CNBD1: variants seen among roughly 807,000 people sequenced by gnomAD.
The protein encoded by CNBD1 is cyclic nucleotide-binding domain-containing protein 1.
In CNBD1, 71 loss-of-function variants were observed where a neutral mutation model predicts 54.4. The observed-to-expected ratio is 1.30, with a 90% CI of 1.08 to 1.59. CNBD1 has a LOEUF of 1.59. Among genes scored for constraint, CNBD1 ranks in the 40% most tolerant of loss-of-function variants. The pLI, the probability that CNBD1 is intolerant of heterozygous loss-of-function variation, is 0.00. For synonymous variants in CNBD1, 182 were observed against 170.7 expected, an observed-to-expected ratio of 1.07 and a Z score of -0.51; for missense variants, 659 against 518.0, an observed-to-expected ratio of 1.27 and a Z score of -2.64.
At chr8:87,050,472 A>G (rs1450155770) in intron 4 of CNBD1, among the ~76,000 whole-genome samples, 1 of 152,184 alleles carries the variant, frequency 6.6e-6, no homozygotes, top group Non-Finnish European at 1.5e-5. Flanking sequence ...TAATGTGAGG[A>G]TGAGACAACT....
At chr8:87,006,228 C>T (rs1160632289) in intron 4 of CNBD1, among the ~76,000 whole-genome samples, 5 of 152,140 alleles carry the variant, frequency 3.3e-5, no homozygotes, top group Non-Finnish European at 4.4e-5. Context: ...GTCCTCCTCT[C>T]CTAAGGTCTC....
At chr8:87,362,112 G>T (rs1446329292) in intron 10 of CNBD1, among the ~76,000 whole-genome samples, 1 of 151,958 alleles carries the variant, frequency 6.6e-6, no homozygotes, top group Non-Finnish European at 1.5e-5. Flanking sequence ...ACACTCTTTA[G>T]GTTACTTTTC....
chr8:87,357,475 G>C (rs1810442470), intron 10 of CNBD1, among the ~76,000 whole-genome samples: 1 of 152,268 alleles, frequency 6.6e-6, no homozygotes, highest in East Asian at 1.9e-4. Context: ...AGACGATTTT[G>C]GAGCTTTAAA....
downstream of CNBD1, among the ~76,000 whole-genome samples, chr8:87,384,111 G>A (rs1001100245): frequency 9.9e-5 from 15 of 151,960 alleles, no homozygotes; most frequent in Admixed American, 9.8e-4. Context: ...CATACTGATT[G>A]AATAATATAA....
chr8:87,327,019 AACAG>A (rs1809684508), intron 8 of CNBD1, among the ~76,000 whole-genome samples: 1 of 149,332 alleles, frequency 6.7e-6, no homozygotes, highest in African/African-American at 2.5e-5. Context: ...TTTTCCTTCT[AACAG>A]ACAGCACCCT....
intron 8 of CNBD1, among the ~76,000 whole-genome samples, chr8:87,307,041 G>C (rs191038666): frequency 6.6e-6 from 1 of 152,004 alleles, no homozygotes; most frequent in Non-Finnish European, 1.5e-5. Context: ...TAAAATAATC[G>C]TAAAAATTTG....
At position 87,353,637 on chromosome 8, in the gene CNBD1, A is replaced by G. The variant is rs766694353; in HGVS notation, c.1154A>G (p.Lys385Arg). 1 of 1,566,364 alleles carries G rather than the reference A, an allele frequency of 6.4e-7. No homozygotes were observed. Among genetic ancestry groups the G allele is most frequent in the East Asian group, 2.3e-5 (1 of 44,284 alleles). ...GFVKLRSNKV[K>R]RSQKLVYMGK... is the part of the protein sequence containing the mutation. ...ATCAATAATATATTTTTTTAACAGA[A>G]AAGATCTCAAAAACTTGTTTATATG... is the stretch of plus-strand genomic sequence containing the variant. The change falls in exon 10 of 11, where the codon AAA (lysine) becomes AGA (arginine). Residue 385 changes from lysine to arginine, a missense_variant and splice_region_variant. Transcript: ENST00000518476.
chr8:86,920,863 G>C (rs900555405), intron 3 of CNBD1, among the ~76,000 whole-genome samples: 1 of 148,412 alleles, frequency 6.7e-6, no homozygotes, highest in African/African-American at 2.5e-5. Context: ...AATGATGAAG[G>C]GCTTCTCTGT....
At chr8:86,935,114 C>A (rs1809523484) in intron 3 of CNBD1, among the ~76,000 whole-genome samples, 1 of 152,236 alleles carries the variant, frequency 6.6e-6, no homozygotes, top group South Asian at 2.1e-4. Context: ...CAGCTCACTG[C>A]AAGCTCCACC....
intron 4 of CNBD1, among the ~76,000 whole-genome samples, chr8:87,111,937 T>G (rs1413762222): frequency 6.6e-6 from 1 of 152,160 alleles, no homozygotes; most frequent in African/African-American, 2.4e-5. Context: ...GTTCTGCAAC[T>G]TTATCTCCTA....
chr8:87,059,113 C>T (rs574487723), intron 4 of CNBD1, among the ~76,000 whole-genome samples: 1 of 152,180 alleles, frequency 6.6e-6, no homozygotes, highest in African/African-American at 2.4e-5. Context: ...CACCTTTGCT[C>T]TAGCTCCCAA....
chr8:87,050,230 T>G (rs1395630556), intron 4 of CNBD1, among the ~76,000 whole-genome samples: 1 of 152,200 alleles, frequency 6.6e-6, no homozygotes, highest in East Asian at 1.9e-4. Context: ...TGTTTGAGGA[T>G]TTGGGAAAGG....
At chr8:87,258,345 A>G (rs1169672072) in intron 6 of CNBD1, among the ~76,000 whole-genome samples, 1 of 152,148 alleles carries the variant, frequency 6.6e-6, no homozygotes, top group Non-Finnish European at 1.5e-5. Context: ...ATTTGCAAGC[A>G]GTCTGTCTTT....
rs535945944 is a variant in CNBD1 at position 87,285,388 on chromosome 8, AT to A, written c.909+579del. On this transcript the variant is annotated intron_variant, in intron 7 of 10. Transcript: ENST00000518476. ...TTTATTCTCTTCTAATCAAATCCAA[AT>A]TTTTTCTTGACTCCTATTTTTCCTC... 9.0e-3 allele frequency among the ~76,000 whole-genome samples: 1,367 copies of A among 152,148 alleles called. 12 individuals are homozygous for A. Among genetic ancestry groups the A allele is most frequent in the Middle Eastern group, 0.014 (4 of 294 alleles).
intron 4 of CNBD1, among the ~76,000 whole-genome samples, chr8:87,205,275 A>G (rs113211156): frequency 3.3e-5 from 5 of 152,106 alleles, no homozygotes; most frequent in African/African-American, 1.2e-4. Flanking sequence ...CTCGTGATCC[A>G]CCCGCCTCGG....
chr8:87,353,680 G>A lies in CNBD1; in HGVS notation c.1197G>A (p.Lys399=). 1 of 1,604,414 alleles carries A rather than the reference G, an allele frequency of 6.2e-7. No homozygotes were observed. The highest frequency in any genetic ancestry group is 8.5e-7 in the Non-Finnish European group (1 of 1,175,814). ...KLVYMGKLKE[K]ESFGEISVLL... ...TTTATATGGGGAAACTTAAGGAGAA[G>A]GAGTCCTTTGGTGAGATTAGCGTCC... The change falls in exon 10 of 11, where the codon AAG becomes AAA. Residue 399 remains lysine (K), a synonymous_variant. Coordinates refer to ENST00000518476, the MANE Select transcript of CNBD1 (RefSeq NM_173538.3).
At chr8:87,372,268 C>A (rs951047843) in intron 10 of CNBD1, among the ~76,000 whole-genome samples, 2 of 151,804 alleles carry the variant, frequency 1.3e-5, no homozygotes, top group Admixed American at 1.3e-4. Context: ...ATACCTAGTG[C>A]TGCTTTCAAG....
At chr8:86,990,715 T>G (rs1808725729) in intron 4 of CNBD1, among the ~76,000 whole-genome samples, 1 of 152,176 alleles carries the variant, frequency 6.6e-6, no homozygotes, top group Non-Finnish European at 1.5e-5. Context: ...TTGCTTTTTC[T>G]ATTTTTGTGA....
In CNBD1 at chr8:86,960,217, G is replaced by A. The variant is rs547222484; in HGVS notation, c.431+20463G>A. On this transcript the variant is annotated intron_variant, in intron 4 of 10. Transcript: ENST00000518476. ...TCACCCAGGAAGCACAAGGGGTCAG[G>A]GAATTCCCTTTACTAGCCAAGGGAA... Among the ~76,000 whole-genome samples the A allele has an allele frequency of 1.4e-4, 22 of 152,248 alleles. No homozygotes were observed. The East Asian group carries it at 3.9e-3, about 27-fold the overall frequency.
Sources: allele counts gnomAD v4.1 joint callset (sites outside exome capture counted in the v4.1 genomes callset), GRCh38; gene constraint gnomAD v4.1.1; transcripts MANE v1.5; gene names NCBI Gene and HGNC (gene_info 2026-07-23, HGNC 2026-07-21).